Variants in MLYCD observed in about 807,000 individuals in gnomAD.
The protein encoded by MLYCD is malonyl-CoA decarboxylase.
A neutral mutation model predicts 35.8 loss-of-function variants in MLYCD; 27 were observed. The observed-to-expected ratio is 0.75, with a 90% CI of 0.56 to 1.04. The LOEUF is 1.04. MLYCD is among the 50% of genes least tolerant of loss of function. The pLI is 0.00. For synonymous variants in MLYCD, 403 were observed against 302.4 expected (o/e 1.33, Z -3.45); for missense variants, 917 against 665.1 (o/e 1.38, Z -4.17).
intron 3 of MLYCD, among the ~76,000 whole-genome samples, chr16:83,910,424 C>T (rs752185572): frequency 1.3e-4 from 20 of 152,042 alleles, no homozygotes; most frequent in Non-Finnish European, 2.4e-4. Context: ...CAGTGACTCG[C>T]GCCCAGAATC....
At chr16:83,902,390 C>G (rs897372153) in intron 1 of MLYCD, among the ~76,000 whole-genome samples, 3 of 151,160 alleles carry the variant, frequency 2.0e-5, no homozygotes, top group African/African-American at 4.9e-5. Flanking sequence ...TTAAATCAGT[C>G]TTAGAATAGA....
At chr16:83,907,179 A>C (rs1241772110) in intron 2 of MLYCD, 80 bp downstream of exon 2, 2 of 1,209,466 alleles carry the variant, frequency 1.7e-6, no homozygotes, top group African/African-American at 3.0e-5. Context: ...GCTAAAAGCT[A>C]ATCTATCTCC....
intron 4 of MLYCD, chr16:83,914,600 T>A (rs1400587180): frequency 5.5e-6 from 2 of 361,940 alleles, no homozygotes; most frequent in Non-Finnish European, 5.3e-6. Context: ...CTCCAGGGTC[T>A]GGCACACATC....
At chr16:83,903,289 CTT>C (rs747465890) in intron 1 of MLYCD, among the ~76,000 whole-genome samples, 6 of 152,154 alleles carry the variant, frequency 3.9e-5, no homozygotes, top group Non-Finnish European at 5.9e-5. Context: ...TACCCTCTGC[CTT>C]TTAGTTAATT....
chr16:83,899,129 G>C lies in MLYCD; in HGVS notation c.-16G>C, dbSNP rs1040326855. On this transcript the variant is annotated 5_prime_UTR_variant, in exon 1 of 5. Coordinates refer to ENST00000262430, the MANE Select transcript of MLYCD (RefSeq NM_012213.3). ...GCGGCGGCGGCGCTCCCCCTCGGCAGCTGTTGTGGGGCACCATGCGAGGCT... is the reference window on the plus strand; with the variant it reads ...GCGGCGGCGGCGCTCCCCCTCGGCACCTGTTGTGGGGCACCATGCGAGGCT... 14 of 1,114,164 alleles carry C rather than the reference G, an allele frequency of 1.3e-5. No homozygotes were observed. Among genetic ancestry groups the C allele is most frequent in the Non-Finnish European group, 1.5e-5 (14 of 914,906 alleles). The allele number at this position is 1,114,164 out of a possible 1,614,324, so 69.0% of individuals were successfully genotyped here. A position where few individuals can be genotyped will look rare whatever the true frequency, so the allele number is the denominator to read the frequency against.
chr16:83,901,673 A>T (rs986839518), intron 1 of MLYCD, among the ~76,000 whole-genome samples: 23 of 152,316 alleles, frequency 1.5e-4, no homozygotes, highest in African/African-American at 5.5e-4. Context: ...ACTCTTGGTT[A>T]TCGCGTCATT....
chr16:83,901,316 A>C (rs557303776), intron 1 of MLYCD, among the ~76,000 whole-genome samples: 167 of 152,366 alleles, frequency 1.1e-3, no homozygotes, highest in African/African-American at 3.8e-3. Flanking sequence ...GTAAATGATC[A>C]GCTCCTCGAA....
chr16:83,907,054 G>A lies in MLYCD; in HGVS notation c.596G>A (p.Arg199Gln), dbSNP rs780910334. Residue 199 changes from arginine to glutamine, a missense_variant, in exon 2 of 5, where the codon CGG becomes CAG. Physicochemically the swap from Arg to Gln is conservative, Grantham distance 43. Transcript: ENST00000262430. ...WFSSGFLNLE[R>Q]VTWHSPCEVL... ...TCCTCCGGGTTCCTGAACCTAGAACGGGTTACCTGGCATTCACCGTGTGAA... is the reference window on the plus strand; with the variant it reads ...TCCTCCGGGTTCCTGAACCTAGAACAGGTTACCTGGCATTCACCGTGTGAA... The A allele has an allele frequency of 7.4e-6, 12 of 1,614,074 alleles. No homozygotes were observed. In the Admixed American group the frequency reaches 1.8e-4, roughly 25 times the overall value.
At chr16:83,901,363 G>C (rs921312449) in intron 1 of MLYCD, among the ~76,000 whole-genome samples, 6 of 152,216 alleles carry the variant, frequency 3.9e-5, no homozygotes, top group African/African-American at 1.2e-4. Flanking sequence ...TTGCATAGCA[G>C]AATGATGAAT....
intron 4 of MLYCD, chr16:83,914,647 C>A (rs577970006): frequency 1.2e-5 from 5 of 415,604 alleles, no homozygotes; most frequent in South Asian, 1.1e-4. Context: ...GGTGTGGCGG[C>A]GCGAGCCTGT....
At position 83,908,215 on chromosome 16, in the gene MLYCD, C is replaced by G. The variant is rs375719723; in HGVS notation, c.731C>G (p.Ser244Trp). 3.7e-6 allele frequency: 6 copies of G among 1,614,078 alleles called. No individual in the cohort carries two copies. Among genetic ancestry groups the G allele is most frequent in the Non-Finnish European group, 4.2e-6 (5 of 1,180,040 alleles). The change falls in exon 3 of 5, where the codon TCG becomes TGG. Residue 244 changes from serine (S) to tryptophan (W), a missense_variant. By Grantham distance (177) the Ser-to-Trp change is radical. Coordinates refer to ENST00000262430, the MANE Select transcript of MLYCD (RefSeq NM_012213.3). ...YRRCYFFSHC[S>W]TPGEPLVVLH... ...AGGTGTTACTTCTTTTCTCACTGTT[C>G]GACCCCTGGGGAGCCCCTGGTCGTT...
At chr16:83,905,110 A>G (rs546359586) in intron 1 of MLYCD, among the ~76,000 whole-genome samples, 7 of 152,276 alleles carry the variant, frequency 4.6e-5, no homozygotes, top group Admixed American at 1.3e-4. Context: ...ATTGTTTTAT[A>G]AAATTTGGAA....
Position 83,915,276 on chromosome 16 carries a change from C to T in MLYCD, c.1269C>T (p.His423=), listed in dbSNP as rs1225996552. The change falls in exon 5 of 5, where the codon CAC becomes CAT. Residue 423 remains histidine, a synonymous_variant. Coordinates refer to ENST00000262430, the MANE Select transcript of MLYCD (RefSeq NM_012213.3). ...GYALNPVANF[H]LQNGAVLWRI... ...CGCTGAACCCCGTGGCCAACTTCCA[C>T]CTGCAGAACGGGGCGGTGCTGTGGC... 3 of 1,612,332 alleles carry T rather than the reference C, an allele frequency of 1.9e-6. No homozygotes were observed. The highest frequency in any genetic ancestry group is 1.7e-6 in the Non-Finnish European group (2 of 1,178,510).
chr16:83,914,510 C>G (rs1226746738), intron 4 of MLYCD: 7 of 276,046 alleles, frequency 2.5e-5, no homozygotes, highest in African/African-American at 1.1e-4. Flanking sequence ...GGCAAGTCCC[C>G]CAACACTCTA....
Position 83,918,452 on chromosome 16 carries a change from C to T in MLYCD, c.*2963C>T, listed in dbSNP as rs551775249. 108 of 146,516 alleles carry T rather than the reference C, an allele frequency of 7.4e-4. No homozygotes were observed. The highest frequency in any genetic ancestry group is 2.7e-3 in the African/African-American group (106 of 38,790). The allele number at this position is 146,516 out of a possible 1,614,324, so 9.1% of individuals were successfully genotyped here. ...AACACATGGTGCACAGGAGAACACG[C>T]ACACACGGTGCACAGGAGAACACAC... On this transcript the variant is annotated 3_prime_UTR_variant, in exon 5 of 5. Transcript: ENST00000262430.
intron 1 of MLYCD, among the ~76,000 whole-genome samples, chr16:83,905,808 C>G (rs995512919): frequency 6.6e-6 from 1 of 152,170 alleles, no homozygotes; most frequent in African/African-American, 2.4e-5. Flanking sequence ...AGTGAGGCTT[C>G]TGTTAATTTG....
At chr16:83,912,138 T>C (rs1907200795) in intron 3 of MLYCD, 80 bp from the exon 4 acceptor site, 1 of 1,592,530 alleles carries the variant, frequency 6.3e-7, no homozygotes, top group African/African-American at 1.3e-5. Flanking sequence ...GAGAATTGTC[T>C]TCTCGTCCCA....
chr16:83,903,461 T>A (rs892149943), intron 1 of MLYCD, among the ~76,000 whole-genome samples: 1 of 152,232 alleles, frequency 6.6e-6, no homozygotes, highest in African/African-American at 2.4e-5. Flanking sequence ...TCTGCAGTGC[T>A]ACCCTCATCC....
chr16:83,904,261 T>A (rs1047666647), intron 1 of MLYCD, among the ~76,000 whole-genome samples: 37 of 152,222 alleles, frequency 2.4e-4, no homozygotes, highest in African/African-American at 8.2e-4. Context: ...TAAACTGGGG[T>A]ACAGAAGCCC....
Sources: allele counts gnomAD v4.1 joint callset (sites outside exome capture counted in the v4.1 genomes callset), GRCh38; gene constraint gnomAD v4.1.1; transcripts MANE v1.5; gene names NCBI Gene and HGNC (gene_info 2026-07-23, HGNC 2026-07-21).